The following EPHB3 variants were observed in gnomAD, a reference collection of about 807,000 sequenced individuals.
EPHB3 encodes the protein ephrin type-B receptor 3.
A neutral mutation model predicts 100.2 loss-of-function variants in EPHB3; 33 were observed. That is an observed-to-expected ratio of 0.33 (90% CI 0.25 to 0.44). EPHB3 has a LOEUF of 0.44. Among genes scored for constraint, EPHB3 ranks in the 20% least tolerant of loss-of-function variants. EPHB3 has a pLI of 1.00. For synonymous variants in EPHB3, 526 were observed against 554.7 expected (o/e 0.95, Z 0.73); for missense variants, 1,045 against 1,378.3 (o/e 0.76, Z 3.83).
Position 184,562,321 on chromosome 3 carries a change from T to C in EPHB3, c.86T>C (p.Leu29Pro). The C allele has an allele frequency of 8.0e-7, 1 of 1,249,650 alleles. No homozygotes were observed. The highest frequency in any genetic ancestry group is 1.0e-6 in the Non-Finnish European group (1 of 998,530). The allele number at this position is 1,249,650 out of a possible 1,614,324, so 77.4% of individuals were successfully genotyped here. The change falls in exon 1 of 16, where the codon CTG (leucine) becomes CCG (proline). Residue 29 changes from leucine to proline, a missense_variant. Transcript: ENST00000330394. The surrounding 1 kb of genome is among the most constrained non-coding windows in gnomAD (Gnocchi z 4.8). ...LLPPLLLLPL[L>P]LLPAGCRALE... ...CCTCCGCTGCTGCTGCTGCCGCTGC[T>C]GCTGCTGCCCGCCGGCTGCCGGGCG...
chr3:184,567,043 A>G (rs949744651), intron 1 of EPHB3, among the ~76,000 whole-genome samples: 1 of 152,046 alleles, frequency 6.6e-6, no homozygotes, highest in Non-Finnish European at 1.5e-5. Flanking sequence ...CAAGCGGAAG[A>G]GCCTTGCCCA....
In EPHB3 at chr3:184,565,668, C is replaced by T. The variant is rs75571356; in HGVS notation, c.118+3315C>T. Among the ~76,000 whole-genome samples, 2,820 of 152,258 alleles carry T rather than the reference C, an allele frequency of 0.019. 104 individuals carry two copies. Among genetic ancestry groups the T allele is most frequent in the African/African-American group, 0.064 (2,647 of 41,532 alleles). ...CGGGAACTGAGAGGGGACAGCGGGCCAGGATTTGGAGGGCTTGCTCACTTG... is the reference window on the plus strand; with the variant it reads ...CGGGAACTGAGAGGGGACAGCGGGCTAGGATTTGGAGGGCTTGCTCACTTG... On this transcript the variant is annotated intron_variant, in intron 1 of 15. Coordinates refer to ENST00000330394, the MANE Select transcript of EPHB3 (RefSeq NM_004443.4). This position sits in a 1 kb window ranked among gnomAD's most constrained non-coding sequence, Gnocchi z 4.8.
Position 184,571,104 on chromosome 3 carries a change from C to T in EPHB3, c.119-214C>T, listed in dbSNP as rs765520348. On this transcript the variant is annotated intron_variant, in intron 1 of 15. Coordinates refer to ENST00000330394, the MANE Select transcript of EPHB3 (RefSeq NM_004443.4). The surrounding 1 kb of genome is among the most constrained non-coding windows in gnomAD (Gnocchi z 5.0). ...CCGAGTAGCTGGGATTACAGGCGTG[C>T]GCCACCAGCCTGGCTAATTTTGTAT... Among the ~76,000 whole-genome samples the T allele has an allele frequency of 3.9e-5, 6 of 151,918 alleles. No individual in the cohort carries two copies. Among genetic ancestry groups the T allele is most frequent in the Non-Finnish European group, 7.4e-5 (5 of 67,990 alleles).
At position 184,581,095 on chromosome 3, in the gene EPHB3, A is replaced by G. The variant is rs1426740311; in HGVS notation, c.2662A>G (p.Ile888Val). Residue 888 changes from isoleucine to valine, a missense_variant, in exon 14 of 16, where the codon ATT (isoleucine) becomes GTT (valine). Ile to Val is a conservative substitution (Grantham distance 29). This residue lies in a region of EPHB3 where 985 missense variants were observed against 1,331.1 expected (regional missense o/e 0.74). Transcript: ENST00000330394. ...DRNLRPKFSQ[I>V]VNTLDKLIRN... ...GAACCTCAGGCCCAAATTCTCCCAGATTGTCAATACCCTGGACAAGCTCAT... is the reference window on the plus strand; with the variant it reads ...GAACCTCAGGCCCAAATTCTCCCAGGTTGTCAATACCCTGGACAAGCTCAT... The G allele has an allele frequency of 4.3e-6, 7 of 1,614,172 alleles. No homozygotes were observed. The highest frequency in any genetic ancestry group is 5.1e-6 in the Non-Finnish European group (6 of 1,180,032).
In EPHB3 at chr3:184,569,059, G is replaced by T. The variant is rs1359536109; in HGVS notation, c.119-2259G>T. On this transcript the variant is annotated intron_variant, in intron 1 of 15. Transcript: ENST00000330394. The surrounding 1 kb of genome is among the most constrained non-coding windows in gnomAD (Gnocchi z 5.4). ...ACTGTGGAGGAATCTGGCTGGAGGG[G>T]GAGGGGGCTGAATATTTGGGTTTAA... Among the ~76,000 whole-genome samples the T allele has an allele frequency of 6.6e-6, 1 of 152,174 alleles. No homozygotes were observed. Among genetic ancestry groups the T allele is most frequent in the South Asian group, 2.1e-4 (1 of 4,834 alleles).
At position 184,580,608 on chromosome 3, in the gene EPHB3, C is replaced by G; in HGVS notation, c.2379C>G (p.Thr793=). The change falls in exon 12 of 16, where the codon ACC becomes ACG. Residue 793 remains threonine (T), a synonymous_variant. Coordinates refer to ENST00000330394, the MANE Select transcript of EPHB3 (RefSeq NM_004443.4). The stretch of plus-strand genomic sequence containing the variant: ...ATGACCCCTCCGATCCTACCTACAC[C>G]AGTTCCCTGGTACAGGAAGCCGCTG... The part of the protein sequence containing the change: ...LEDDPSDPTY[T]SSLGGKIPIR... The G allele has an allele frequency of 6.2e-7, 1 of 1,613,598 alleles. No homozygotes were observed. Among genetic ancestry groups the G allele is most frequent in the Non-Finnish European group, 8.5e-7 (1 of 1,179,562 alleles).
In EPHB3 at chr3:184,578,068, C is replaced by A; in HGVS notation, c.1748+62C>A. The stretch of plus-strand genomic sequence containing the variant: ...CGAACTGCCCTTTAGCATCCTAGAG[C>A]CCTCATGCCACAGAGATGAGCCGCC... On this transcript the variant is annotated intron_variant, in intron 8 of 15. Transcript: ENST00000330394. This position sits in a 1 kb window ranked among gnomAD's most constrained non-coding sequence, Gnocchi z 4.7. 1 of 1,556,178 alleles carries A rather than the reference C, an allele frequency of 6.4e-7. No individual in the cohort carries two copies. The highest frequency in any genetic ancestry group is 1.1e-5 in the South Asian group (1 of 87,090).
At position 184,562,318 on chromosome 3, in the gene EPHB3, T is replaced by A; in HGVS notation, c.83T>A (p.Leu28Gln). The change falls in exon 1 of 16, where the codon CTG becomes CAG. Residue 28 changes from leucine (L) to glutamine (Q), a missense_variant. By Grantham distance (113) the Leu-to-Gln change is moderately radical. This residue lies in a region of EPHB3 where 60 missense variants were observed against 47.2 expected (regional missense o/e 1.27). Transcript: ENST00000330394. The surrounding 1 kb of genome is among the most constrained non-coding windows in gnomAD (Gnocchi z 4.8). ...CTCCCTCCGCTGCTGCTGCTGCCGC[T>A]GCTGCTGCTGCCCGCCGGCTGCCGG... is the stretch of plus-strand genomic sequence containing the variant. ...PLLPPLLLLP[L>Q]LLLPAGCRAL... The A allele has an allele frequency of 8.1e-7, 1 of 1,237,922 alleles. No homozygotes were observed. The highest frequency in any genetic ancestry group is 3.5e-5 in the East Asian group (1 of 28,938). 76.7% of individuals were successfully genotyped at this position (1,237,922 alleles called of 1,614,324 possible).
intron 1 of EPHB3, among the ~76,000 whole-genome samples, chr3:184,568,395 G>A (rs936331767): frequency 6.6e-6 from 1 of 152,188 alleles, no homozygotes; most frequent in Non-Finnish European, 1.5e-5. Flanking sequence ...GGGTGCAGCA[G>A]GCAGCTGGGG....
chr3:184,578,525 C>G lies in EPHB3; in HGVS notation c.1801+59C>G. ...CCCAGCCCCCTGCAGGGCTCTCAGA[C>G]ACCCTTCTCCCTGCCTGGGACTTCA... On this transcript the variant is annotated intron_variant, in intron 9 of 15. Coordinates refer to ENST00000330394, the MANE Select transcript of EPHB3 (RefSeq NM_004443.4). This position sits in a 1 kb window ranked among gnomAD's most constrained non-coding sequence, Gnocchi z 4.7. 1 of 1,605,904 alleles carries G rather than the reference C, an allele frequency of 6.2e-7. No homozygotes were observed. Among genetic ancestry groups the G allele is most frequent in the Non-Finnish European group, 8.5e-7 (1 of 1,173,614 alleles).
At position 184,563,816 on chromosome 3, in the gene EPHB3, T is replaced by G. The variant is rs1028327503; in HGVS notation, c.118+1463T>G. 6.6e-6 allele frequency among the ~76,000 whole-genome samples: 1 copy of G among 152,158 alleles called. No individual in the cohort carries two copies. Among genetic ancestry groups the G allele is most frequent in the African/African-American group, 2.4e-5 (1 of 41,416 alleles). On this transcript the variant is annotated intron_variant, in intron 1 of 15. Coordinates refer to ENST00000330394, the MANE Select transcript of EPHB3 (RefSeq NM_004443.4). This position sits in a 1 kb window ranked among gnomAD's most constrained non-coding sequence, Gnocchi z 4.1. ...GATCTGTGTCTGGGTCTCTGTGTCGTAGTCCAGGAGAGGCGACACTGGTAC... is the reference window on the plus strand; with the variant it reads ...GATCTGTGTCTGGGTCTCTGTGTCGGAGTCCAGGAGAGGCGACACTGGTAC...
In EPHB3 at chr3:184,579,346, G is replaced by A; in HGVS notation, c.1802-131G>A. On this transcript the variant is annotated intron_variant, in intron 9 of 15. Transcript: ENST00000330394. The surrounding 1 kb of genome is among the most constrained non-coding windows in gnomAD (Gnocchi z 5.2). Reference sequence around the variant, plus strand: ...ATGGTCACCAGGAGTTCTCATGGGAGCTGGAGGATTAGGGCAGCAACACAG... The same window carrying A: ...ATGGTCACCAGGAGTTCTCATGGGAACTGGAGGATTAGGGCAGCAACACAG... 1.5e-6 allele frequency: 2 copies of A among 1,379,220 alleles called. No individual in the cohort carries two copies. The highest frequency in any genetic ancestry group is 2.4e-5 in the East Asian group (1 of 42,294). The allele number at this position is 1,379,220 out of a possible 1,614,324, so 85.4% of individuals were successfully genotyped here.
chr3:184,581,449 C>T, intron 15 of EPHB3, 41 bp downstream of exon 15: 1 of 1,588,296 alleles, frequency 6.3e-7, no homozygotes, highest in South Asian at 1.2e-5. Context: ...GCAGGGGGCC[C>T]TAGGCTGGGC....
In EPHB3 at chr3:184,571,521, C is replaced by T; in HGVS notation, c.183+139C>T. On this transcript the variant is annotated intron_variant, in intron 2 of 15. Transcript: ENST00000330394. The surrounding 1 kb of genome is among the most constrained non-coding windows in gnomAD (Gnocchi z 5.0). ...CTGCCTGTCACCCTCACTTCCTGTG[C>T]CATCCCCATCATCCTCACTTGTGAC... The T allele has an allele frequency of 1.2e-6, 1 of 821,450 alleles. No homozygotes were observed. Among genetic ancestry groups the T allele is most frequent in the Non-Finnish European group, 2.0e-6 (1 of 495,878 alleles). The allele number at this position is 821,450 out of a possible 1,614,324, so 50.9% of individuals were successfully genotyped here.
In EPHB3 at chr3:184,577,130, A is replaced by G; in HGVS notation, c.1301A>G (p.Lys434Arg). The G allele has an allele frequency of 3.1e-6, 5 of 1,611,386 alleles. No homozygotes were observed. The highest frequency in any genetic ancestry group is 4.2e-6 in the Non-Finnish European group (5 of 1,178,364). ...CAGGCGGTCAACGGTGTCTCGGGCAAGAGCCCTCTGCCGCCTCGTTATGCG... is the reference window on the plus strand; with the variant it reads ...CAGGCGGTCAACGGTGTCTCGGGCAGGAGCCCTCTGCCGCCTCGTTATGCG... ...EVQAVNGVSG[K>R]SPLPPRYAAV... Residue 434 changes from lysine (K) to arginine (R), a missense_variant, in exon 5 of 16, where the codon AAG becomes AGG. This residue lies in a region of EPHB3 where 985 missense variants were observed against 1,331.1 expected (regional missense o/e 0.74). Coordinates refer to ENST00000330394, the MANE Select transcript of EPHB3 (RefSeq NM_004443.4). This position sits in a 1 kb window ranked among gnomAD's most constrained non-coding sequence, Gnocchi z 4.9.
In EPHB3 at chr3:184,571,878, G is replaced by C. The variant is rs932548297; in HGVS notation, c.183+496G>C. ...GCCTTCATGGCTGCTCTAAGCCCTA[G>C]AACCCTGGAGTACGATGGCACTACA... On this transcript the variant is annotated intron_variant, in intron 2 of 15. Coordinates refer to ENST00000330394, the MANE Select transcript of EPHB3 (RefSeq NM_004443.4). The surrounding 1 kb of genome is among the most constrained non-coding windows in gnomAD (Gnocchi z 5.0). 2.6e-5 allele frequency among the ~76,000 whole-genome samples: 4 copies of C among 152,220 alleles called. No homozygotes were observed. The highest frequency in any genetic ancestry group is 9.6e-5 in the African/African-American group (4 of 41,514).
intron 1 of EPHB3, among the ~76,000 whole-genome samples, chr3:184,564,735 A>G (rs1714341667): frequency 6.6e-6 from 1 of 151,964 alleles, no homozygotes; most frequent in African/African-American, 2.4e-5. Flanking sequence ...GAATGGGGAG[A>G]GAGCTGGCCC....
rs140911993 is a variant in EPHB3 at position 184,577,110 on chromosome 3, G to A, written c.1281G>A (p.Ala427=). 69 of 1,612,616 alleles carry A rather than the reference G, an allele frequency of 4.3e-5. No individual in the cohort carries two copies. The highest frequency in any genetic ancestry group is 2.2e-5 in the East Asian group (1 of 44,874). The change falls in exon 5 of 16, where the codon GCG becomes GCA. Residue 427 remains alanine (A), a synonymous_variant. Coordinates refer to ENST00000330394, the MANE Select transcript of EPHB3 (RefSeq NM_004443.4). This position sits in a 1 kb window ranked among gnomAD's most constrained non-coding sequence, Gnocchi z 4.9. ...AHTRYTFEVQ[A]VNGVSGKSPL... The stretch of plus-strand genomic sequence containing the variant: ...CGCGCTACACCTTTGAGGTGCAGGC[G>A]GTCAACGGTGTCTCGGGCAAGAGCC...
intron 3 of EPHB3, among the ~76,000 whole-genome samples, chr3:184,574,672 C>T (rs954538854): frequency 6.6e-6 from 1 of 152,156 alleles, no homozygotes; most frequent in African/African-American, 2.4e-5. Flanking sequence ...GTGCCTTTCC[C>T]GGGCCCTCTC....
Sources: gnomAD v4.1 joint callset for allele counts (sites outside exome capture counted in the v4.1 genomes callset) on GRCh38, gnomAD v4.1.1 for gene constraint, gnomAD v4.1.1 regional missense constraint, Gnocchi (gnomAD v3.1) non-coding constraint, MANE v1.5 for transcripts, NCBI Gene and HGNC (gene_info 2026-07-23, HGNC 2026-07-21) for gene names.